Variants in PTPN5 observed in about 807,000 individuals in gnomAD.
PTPN5 encodes the protein protein tyrosine phosphatase non-receptor type 5.
PTPN5 carries 29 observed loss-of-function variants against 73.9 expected under a neutral mutation model. The observed-to-expected ratio is 0.39, with a 90% CI of 0.29 to 0.54. The LOEUF (loss-of-function observed/expected upper bound fraction) is 0.54, where lower values mean the gene tolerates loss of function less well. PTPN5 is among the 20% of genes least tolerant of loss of function. PTPN5 has a pLI of 0.65. For missense variants in PTPN5, 652 were observed against 751.4 expected, an observed-to-expected ratio of 0.87 and a Z score of 1.55; for synonymous variants, 267 against 304.7, an observed-to-expected ratio of 0.88 and a Z score of 1.29.
upstream of PTPN5, chr11:18,791,800 C>T (rs979536018): frequency 2.0e-5 from 3 of 152,120 alleles, no homozygotes; most frequent in African/African-American, 7.2e-5. Flanking sequence ...TGCAGAGTCG[C>T]TGGCGCAGCC....
At chr11:18,782,273 G>A (rs547980014) in intron 1 of PTPN5, among the ~76,000 whole-genome samples, 7 of 152,086 alleles carry the variant, frequency 4.6e-5, no homozygotes, top group African/African-American at 1.7e-4. Flanking sequence ...TGTCACCCAG[G>A]CTTGAGTGCA....
chr11:18,764,961 C>T (rs1850574453), intron 3 of PTPN5, among the ~76,000 whole-genome samples: 1 of 152,204 alleles, frequency 6.6e-6, no homozygotes, highest in Non-Finnish European at 1.5e-5. Context: ...ATCTGCCCGC[C>T]TTGGCCTCCC....
chr11:18,785,515 C>T (rs1851628883), intron 1 of PTPN5, among the ~76,000 whole-genome samples: 1 of 152,148 alleles, frequency 6.6e-6, no homozygotes, highest in Admixed American at 6.5e-5. Context: ...TACGTTTGTT[C>T]TCTAGCATGG....
intron 3 of PTPN5, 104 bp downstream of exon 3, chr11:18,765,703 C>T (rs1446451978): frequency 4.3e-5 from 34 of 782,928 alleles, no homozygotes; most frequent in Non-Finnish European, 5.8e-5. Flanking sequence ...GATATTCTTG[C>T]GCAAGTTCAC....
intron 2 of PTPN5, among the ~76,000 whole-genome samples, chr11:18,771,339 C>T (rs1008598673): frequency 1.3e-5 from 2 of 152,214 alleles, no homozygotes; most frequent in African/African-American, 4.8e-5. Flanking sequence ...TCCTTTTCCC[C>T]TTTTGTCAAA....
chr11:18,745,599 C>G (rs947047681), intron 3 of PTPN5, among the ~76,000 whole-genome samples: 1 of 152,184 alleles, frequency 6.6e-6, no homozygotes, highest in African/African-American at 2.4e-5. Flanking sequence ...AGACCTCAAT[C>G]AGATGTCCCC....
In PTPN5 at chr11:18,742,196, A is replaced by G; in HGVS notation, c.725+66T>C. On this transcript the variant is annotated intron_variant, in intron 7 of 14. Transcript: ENST00000358540. The surrounding 1 kb of genome is among the most constrained non-coding windows in gnomAD (Gnocchi z 4.1). The stretch of plus-strand genomic sequence containing the variant: ...CACCAGGAGTCAGAGTCAGGCATCC[A>G]CTCTTCTGATCAGGAGCTAAGAGCT... 6.3e-7 allele frequency: 1 copy of G among 1,594,172 alleles called. No individual in the cohort carries two copies. Among genetic ancestry groups the G allele is most frequent in the East Asian group, 2.2e-5 (1 of 44,606 alleles).
chr11:18,740,420 C>G, intron 8 of PTPN5, 183 bp downstream of exon 8: 2 of 476,976 alleles, frequency 4.2e-6, no homozygotes, highest in East Asian at 3.5e-5. Context: ...TCCCCATTTT[C>G]CAGATGAGGA....
intron 3 of PTPN5, among the ~76,000 whole-genome samples, chr11:18,745,206 A>G (rs1466042309): frequency 6.6e-6 from 1 of 152,234 alleles, no homozygotes; most frequent in Admixed American, 6.5e-5. Context: ...ACATGGATGT[A>G]TACAGTGTGA....
In PTPN5 at chr11:18,742,947, G is replaced by C. The variant is rs572232871; in HGVS notation, c.483+45C>G. On this transcript the variant is annotated intron_variant, in intron 6 of 14. Coordinates refer to ENST00000358540, the MANE Select transcript of PTPN5 (RefSeq NM_006906.2). The surrounding 1 kb of genome is among the most constrained non-coding windows in gnomAD (Gnocchi z 4.1). ...AGCTGGTAGAAATCCAGGCCTCAAGGTCAGAGGAGGACAGCCTTGAGGTTG... is the reference window on the plus strand; with the variant it reads ...AGCTGGTAGAAATCCAGGCCTCAAGCTCAGAGGAGGACAGCCTTGAGGTTG... The C allele has an allele frequency of 6.2e-6, 8 of 1,286,236 alleles. No individual in the cohort carries two copies. In the African/African-American group the frequency reaches 1.2e-4, roughly 19 times the overall value. The allele number at this position is 1,286,236 out of a possible 1,614,324, so 79.7% of individuals were successfully genotyped here.
chr11:18,734,160 G>T (rs1479617187), intron 9 of PTPN5, among the ~76,000 whole-genome samples: 1 of 152,226 alleles, frequency 6.6e-6, no homozygotes, highest in Non-Finnish European at 1.5e-5. Context: ...TGTGTAAACT[G>T]TAAAGTGCTT....
At chr11:18,771,397 A>C (rs759461744) in intron 2 of PTPN5, among the ~76,000 whole-genome samples, 58 of 152,256 alleles carry the variant, frequency 3.8e-4, no homozygotes, top group Non-Finnish European at 6.0e-4. Flanking sequence ...TCTTCCACGG[A>C]GCACTCCCTG....
intron 1 of PTPN5, among the ~76,000 whole-genome samples, chr11:18,789,116 C>T (rs532566672): frequency 4.4e-4 from 67 of 152,158 alleles, no homozygotes; most frequent in African/African-American, 1.6e-3. Flanking sequence ...AATCCCATGT[C>T]CTTGGATGAT....
chr11:18,770,856 G>A (rs554698758), intron 2 of PTPN5, among the ~76,000 whole-genome samples: 1 of 152,348 alleles, frequency 6.6e-6, no homozygotes, highest in South Asian at 2.1e-4. Context: ...TTCACGGCCA[G>A]TGCAGAAGAT....
chr11:18,757,819 A>G (rs571278464), intron 3 of PTPN5, among the ~76,000 whole-genome samples: 3 of 152,362 alleles, frequency 2.0e-5, no homozygotes, highest in South Asian at 2.1e-4. Flanking sequence ...AATATTCGTC[A>G]GAGTGGAAGG....
chr11:18,746,240 G>A (rs1488053447), intron 3 of PTPN5, among the ~76,000 whole-genome samples: 1 of 135,084 alleles, frequency 7.4e-6, no homozygotes, highest in African/African-American at 2.7e-5. Flanking sequence ...CACCCAGGCT[G>A]GAGTGCAGTG....
chr11:18,743,334 C>A lies in PTPN5; in HGVS notation c.387G>T (p.Gln129His), dbSNP rs1323009046. Residue 129 changes from glutamine to histidine, a missense_variant, in exon 5 of 15, where the codon CAG (glutamine) becomes CAT (histidine). This residue lies in a region of PTPN5 where 529 missense variants were observed against 573.9 expected (regional missense o/e 0.92). Transcript: ENST00000358540. ...LVSSLLTLLK[Q>H]LEPTAWLDSG... ...AAAGCTTACTTACCGTGGGTTCCAG[C>A]TGTTTCAGGAGCGTCAGCAAAGAGG... 30 of 1,614,170 alleles carry A rather than the reference C, an allele frequency of 1.9e-5. No homozygotes were observed. The highest frequency in any genetic ancestry group is 2.5e-5 in the Non-Finnish European group (29 of 1,180,022).
At chr11:18,731,525 G>C (rs1848876562) in intron 12 of PTPN5, among the ~76,000 whole-genome samples, 1 of 152,278 alleles carries the variant, frequency 6.6e-6, no homozygotes, top group South Asian at 2.1e-4. Flanking sequence ...TTGAGAAGGT[G>C]AGCAGCCCTG....
Position 18,728,950 on chromosome 11 carries a change from T to C in PTPN5, c.1682A>G (p.His561Arg), listed in dbSNP as rs11024773. 251 of 1,613,314 alleles carry C rather than the reference T, an allele frequency of 1.6e-4. No individual in the cohort carries two copies. In the East Asian group the frequency reaches 5.2e-3, roughly 33 times the overall value. ...VMSLYEKQLS[H>R]QSPE Reference sequence around the variant, plus strand: ...GAAGCGCAGTCATTCTGGGGACTGGTGGGACAGCTGCTTTTCGTAGAGGCT... The same window carrying C: ...GAAGCGCAGTCATTCTGGGGACTGGCGGGACAGCTGCTTTTCGTAGAGGCT... The change falls in exon 15 of 15, where the codon CAC (histidine) becomes CGC (arginine). Residue 561 changes from histidine to arginine, a missense_variant. By Grantham distance (29) the His-to-Arg change is conservative (BLOSUM62 0). Around this residue, in one of 3 missense-constraint regions of PTPN5, gnomAD observed 21 missense variants for 16.9 expected, o/e 1.24. Coordinates refer to ENST00000358540, the MANE Select transcript of PTPN5 (RefSeq NM_006906.2). This position sits in a 1 kb window ranked among gnomAD's most constrained non-coding sequence, Gnocchi z 4.1.
Sources: gnomAD v4.1 joint callset for allele counts (sites outside exome capture counted in the v4.1 genomes callset) on GRCh38, gnomAD v4.1.1 for gene constraint, gnomAD v4.1.1 regional missense constraint, Gnocchi (gnomAD v3.1) non-coding constraint, MANE v1.5 for transcripts, NCBI Gene and HGNC (gene_info 2026-07-23, HGNC 2026-07-21) for gene names.